EFHC1: variants seen among roughly 807,000 people sequenced by gnomAD.
The protein encoded by EFHC1 is EF-hand domain-containing protein 1.
EFHC1 carries 53 observed loss-of-function variants against 69.9 expected under a neutral mutation model. The ratio of observed to expected loss-of-function variants is 0.76; its 90% CI spans 0.61 to 0.95. EFHC1 has a LOEUF of 0.95. Ranked by LOEUF, EFHC1 falls within the 40% of genes least tolerant of loss-of-function variation. The pLI, the probability that EFHC1 is intolerant of heterozygous loss-of-function variation, is 0.00. For synonymous variants in EFHC1, 256 were observed against 278.4 expected, an observed-to-expected ratio of 0.92 and a Z score of 0.80; for missense variants, 739 against 798.7, an observed-to-expected ratio of 0.93 and a Z score of 0.90.
At position 52,492,297 on chromosome 6, in the gene EFHC1, G is replaced by A. The variant is rs758464930; in HGVS notation, c.1879G>A (p.Gly627Ser). The change falls in exon 11 of 11, where the codon GGC becomes AGC. Residue 627 changes from glycine (G) to serine (S), a missense_variant. Transcript: ENST00000371068. Reference protein sequence around the residue: ...ELIRMCSHGEGKINYYNFVRA... With the variant: ...ELIRMCSHGESKINYYNFVRA... ...AATCAGGATGTGCTCTCATGGAGAA[G>A]GCAAAATTAACTACTATAACTTTGT... is the stretch of plus-strand genomic sequence containing the variant. The A allele has an allele frequency of 3.7e-6, 6 of 1,614,004 alleles. No homozygotes were observed. Among genetic ancestry groups the A allele is most frequent in the Non-Finnish European group, 5.1e-6 (6 of 1,179,950 alleles).
intron 3 of EFHC1, among the ~76,000 whole-genome samples, chr6:52,443,282 T>C (rs1238744885): frequency 6.6e-6 from 1 of 152,252 alleles, no homozygotes; most frequent in Non-Finnish European, 1.5e-5. Context: ...GCAGAAGCTC[T>C]TTAGTTTAAT....
chr6:52,423,437 T>A (rs1764231865), intron 1 of EFHC1, among the ~76,000 whole-genome samples: 1 of 152,188 alleles, frequency 6.6e-6, no homozygotes, highest in Non-Finnish European at 1.5e-5. Context: ...GGTGGCTACT[T>A]CGCTCCTTGT....
chr6:52,496,344 C>T lies in EFHC1; in HGVS notation c.*4003C>T, dbSNP rs571639030. On this transcript the variant is annotated 3_prime_UTR_variant, in exon 11 of 11. Coordinates refer to ENST00000371068, the MANE Select transcript of EFHC1 (RefSeq NM_018100.4). Reference sequence around the variant, plus strand: ...GGCTTTGGGACTAATAAAAATCTGCCTTGCGGGTAAAGATGGGCTGTGAGT... The same window carrying T: ...GGCTTTGGGACTAATAAAAATCTGCTTTGCGGGTAAAGATGGGCTGTGAGT... 6.6e-6 allele frequency: 1 copy of T among 152,422 alleles called. No homozygotes were observed. The highest frequency in any genetic ancestry group is 1.5e-5 in the Non-Finnish European group (1 of 68,158). The allele number at this position is 152,422 out of a possible 1,614,324, so 9.4% of individuals were successfully genotyped here.
At chr6:52,479,971 A>G in intron 9 of EFHC1, 184 bp downstream of exon 9, 1 of 942,246 alleles carries the variant, frequency 1.1e-6, no homozygotes. Flanking sequence ...TTTCAACTTC[A>G]TTTGTTTAGC....
chr6:52,427,739 T>G (rs1486472597), intron 2 of EFHC1, among the ~76,000 whole-genome samples: 1 of 152,210 alleles, frequency 6.6e-6, no homozygotes, highest in East Asian at 1.9e-4. Flanking sequence ...TTATTTCTTG[T>G]CTGTGTCACT....
chr6:52,471,219 C>T (rs1308044303), intron 7 of EFHC1, among the ~76,000 whole-genome samples: 1 of 152,216 alleles, frequency 6.6e-6, no homozygotes, highest in African/African-American at 2.4e-5. Context: ...AAGGCAGAAG[C>T]TCCTGGGAAA....
intron 9 of EFHC1, chr6:52,484,355 A>T (rs113313010): frequency 6.6e-6 from 1 of 152,246 alleles, no homozygotes; most frequent in African/African-American, 2.4e-5. Context: ...ATTTTCAAAT[A>T]TTAATTTATT....
rs148596227 is a variant in EFHC1, at chr6:52,466,376, C to T, written c.1137+1261C>T. 1.3e-3 allele frequency among the ~76,000 whole-genome samples: 192 copies of T among 152,262 alleles called. 1 individual carries two copies. The highest frequency in any genetic ancestry group is 2.1e-3 in the Non-Finnish European group (143 of 68,012). On this transcript the variant is annotated intron_variant, in intron 6 of 10. Transcript: ENST00000371068. ...ACTCCCAGGAACTTTTGCTTGTGCT[C>T]TTCCTCCTTGAACCACTTTTCTGTT...
chr6:52,491,371 A>G (rs1765898818), intron 10 of EFHC1, among the ~76,000 whole-genome samples: 1 of 152,166 alleles, frequency 6.6e-6, no homozygotes, highest in Non-Finnish European at 1.5e-5. Context: ...AACCACAGAA[A>G]ATCAGTCTGT....
At chr6:52,440,368 G>A (rs551326713) in intron 3 of EFHC1, among the ~76,000 whole-genome samples, 2 of 152,130 alleles carry the variant, frequency 1.3e-5, no homozygotes, top group African/African-American at 4.8e-5. Context: ...GTGTGTTACA[G>A]CCTTCTTGTG....
chr6:52,459,455 A>T (rs1765113454), intron 5 of EFHC1, among the ~76,000 whole-genome samples: 1 of 152,238 alleles, frequency 6.6e-6, no homozygotes, highest in Admixed American at 6.5e-5. Flanking sequence ...AGCACACAAA[A>T]ATATATTTGC....
chr6:52,469,292 A>G (rs1213892059), intron 6 of EFHC1, 41 bp from the exon 7 acceptor site: 1 of 1,612,844 alleles, frequency 6.2e-7, no homozygotes, highest in Non-Finnish European at 8.5e-7. Context: ...TCTTAACACA[A>G]GTAGTATCTG....
At chr6:52,487,230 G>A (rs1004147811) in intron 9 of EFHC1, 1 of 152,038 alleles carries the variant, frequency 6.6e-6, no homozygotes, top group African/African-American at 2.4e-5. Context: ...CTGACCCCTT[G>A]GTATAGTCTT....
intron 4 of EFHC1, chr6:52,453,760 A>T: frequency 8.0e-7 from 1 of 1,244,666 alleles, no homozygotes; most frequent in African/African-American, 1.6e-5. Flanking sequence ...TACCTTTATT[A>T]ATATATATAT....
At chr6:52,479,327 C>A in intron 8 of EFHC1, 77 bp downstream of exon 8, 1 of 1,472,760 alleles carries the variant, frequency 6.8e-7, no homozygotes. Flanking sequence ...TCATTTAACC[C>A]TGTAAGAGGC....
intron 2 of EFHC1, among the ~76,000 whole-genome samples, chr6:52,426,786 G>A (rs896302337): frequency 6.6e-6 from 1 of 152,266 alleles, no homozygotes; most frequent in East Asian, 1.9e-4. Flanking sequence ...TTAATGAGTT[G>A]CCAAGTCAAA....
chr6:52,447,524 C>T (rs1429319166), intron 3 of EFHC1, among the ~76,000 whole-genome samples: 8 of 152,162 alleles, frequency 5.3e-5, no homozygotes, highest in African/African-American at 1.7e-4. Context: ...TCCTTTAGCT[C>T]GGAGAAGTTT....
Position 52,494,166 on chromosome 6 carries a change from G to A in EFHC1, c.*1825G>A. On this transcript the variant is annotated 3_prime_UTR_variant, in exon 11 of 11. Transcript: ENST00000371068. Reference sequence around the variant, plus strand: ...ACGTAAGTAAAAAATATCACAAGTTGAAAACACATTTAATAACCCTGATAA... The same window carrying A: ...ACGTAAGTAAAAAATATCACAAGTTAAAAACACATTTAATAACCCTGATAA... The A allele has an allele frequency of 2.2e-6, 1 of 454,022 alleles. No individual in the cohort carries two copies. The highest frequency in any genetic ancestry group is 4.4e-6 in the Non-Finnish European group (1 of 226,776). The allele number at this position is 454,022 out of a possible 1,614,324, so 28.1% of individuals were successfully genotyped here.
chr6:52,460,591 A>T (rs1765143676), intron 5 of EFHC1, among the ~76,000 whole-genome samples: 1 of 152,350 alleles, frequency 6.6e-6, no homozygotes, highest in Non-Finnish European at 1.5e-5. Context: ...ATGTAAGAAC[A>T]CTAGATTCGA....
Sources: allele counts gnomAD v4.1 joint callset (sites outside exome capture counted in the v4.1 genomes callset), GRCh38; gene constraint gnomAD v4.1.1; transcripts MANE v1.5; gene names NCBI Gene and HGNC (gene_info 2026-07-23, HGNC 2026-07-21).